Variants in DNM3 observed in about 807,000 individuals in gnomAD.
DNM3 encodes the protein dynamin 3, also known as dynamin-3.
In DNM3, 47 loss-of-function variants were observed where a neutral mutation model predicts 101.6. That is an observed-to-expected ratio of 0.46 (90% CI 0.37 to 0.59). The LOEUF is 0.59. Ranked by LOEUF, DNM3 falls within the 20% of genes least tolerant of loss-of-function variation. DNM3 has a pLI of 0.00. For missense variants in DNM3, 849 were observed against 1,085.7 expected, an observed-to-expected ratio of 0.78 and a Z score of 3.06; for synonymous variants, 385 against 387.9, an observed-to-expected ratio of 0.99 and a Z score of 0.09.
At chr1:172,223,765 T>C (rs2061000257) in intron 14 of DNM3, among the ~76,000 whole-genome samples, 1 of 152,222 alleles carries the variant, frequency 6.6e-6, no homozygotes, top group African/African-American at 2.4e-5. Flanking sequence ...GTCTTCTTCC[T>C]TGATTATTGT....
chr1:172,321,865 C>T (rs894697653), intron 16 of DNM3, among the ~76,000 whole-genome samples: 30 of 152,094 alleles, frequency 2.0e-4, no homozygotes, highest in South Asian at 2.1e-4. Flanking sequence ...CTTTTATTCC[C>T]GGTAAAATTC....
chr1:172,224,405 A>C lies in DNM3; in HGVS notation c.1660-29168A>C, dbSNP rs140304211. Among the ~76,000 whole-genome samples, 154 of 152,302 alleles carry C rather than the reference A, an allele frequency of 1.0e-3. 1 individual carries two copies. The highest frequency in any genetic ancestry group is 6.8e-3 in the Middle Eastern group (2 of 294). On this transcript the variant is annotated intron_variant, in intron 14 of 20. Coordinates refer to ENST00000627582, the MANE Select transcript of DNM3 (RefSeq NM_015569.5). The stretch of plus-strand genomic sequence containing the variant: ...TGGAAACCACCCCACATATGAAAAC[A>C]TAGCTGTACTCTATTTGTTTTATTT...
intron 13 of DNM3, among the ~76,000 whole-genome samples, chr1:172,127,309 C>G (rs1158838208): frequency 6.6e-6 from 1 of 151,972 alleles, no homozygotes; most frequent in African/African-American, 2.4e-5. Flanking sequence ...AGACCCTTCT[C>G]TTTGCTGTTC....
rs573672812 is a variant in DNM3, at chr1:172,103,872, A to G, written c.1545+10997A>G. On this transcript the variant is annotated intron_variant, in intron 13 of 20. Transcript: ENST00000627582. Reference sequence around the variant, plus strand: ...AAAAATTAGCTGGGCGTGGTGGTGCATGCCTGTAATTTCAGCTACTCAGGA... The same window carrying G: ...AAAAATTAGCTGGGCGTGGTGGTGCGTGCCTGTAATTTCAGCTACTCAGGA... 2.1e-3 allele frequency among the ~76,000 whole-genome samples: 315 copies of G among 152,230 alleles called. 4 individuals are homozygous for G. Among genetic ancestry groups the G allele is most frequent in the African/African-American group, 7.2e-3 (299 of 41,554 alleles).
intron 15 of DNM3, among the ~76,000 whole-genome samples, chr1:172,296,613 T>G (rs947821231): frequency 6.6e-6 from 1 of 152,184 alleles, no homozygotes. Context: ...GCAGGTGACC[T>G]TCTTTTCCAC....
chr1:172,080,448 C>T (rs1484697900), intron 11 of DNM3, among the ~76,000 whole-genome samples: 1 of 152,114 alleles, frequency 6.6e-6, no homozygotes, highest in African/African-American at 2.4e-5. Context: ...CCTACTAAAG[C>T]CTCAGTAATG....
intron 17 of DNM3, among the ~76,000 whole-genome samples, chr1:172,333,650 A>T (rs1016135400): frequency 6.6e-6 from 1 of 152,170 alleles, no homozygotes; most frequent in South Asian, 2.1e-4. Flanking sequence ...GGAATTTTTT[A>T]AATTATTGGA....
chr1:172,027,681 G>A (rs549492287), intron 4 of DNM3, among the ~76,000 whole-genome samples: 4 of 151,966 alleles, frequency 2.6e-5, no homozygotes, highest in East Asian at 3.9e-4. Context: ...GAGATCCATC[G>A]TATGTGCAAA....
At chr1:172,022,979 C>G (rs1328484141) in intron 4 of DNM3, among the ~76,000 whole-genome samples, 1 of 151,994 alleles carries the variant, frequency 6.6e-6, no homozygotes, top group Non-Finnish European at 1.5e-5. Flanking sequence ...TTCTTTCTTC[C>G]ATGATATTGT....
At chr1:172,213,729 G>C (rs2060594464) in intron 14 of DNM3, among the ~76,000 whole-genome samples, 1 of 151,688 alleles carries the variant, frequency 6.6e-6, no homozygotes, top group Non-Finnish European at 1.5e-5. Flanking sequence ...TCGGGAGGCT[G>C]AGGCAGGAGC....
chr1:172,074,722 G>GA (rs1251580890), intron 11 of DNM3, among the ~76,000 whole-genome samples: 5 of 152,086 alleles, frequency 3.3e-5, no homozygotes, highest in Non-Finnish European at 7.4e-5. Context: ...ATCATTGATG[G>GA]CATTTTGGTT....
intron 2 of DNM3, among the ~76,000 whole-genome samples, chr1:171,981,593 TA>T (rs1195223157): frequency 6.6e-6 from 1 of 152,164 alleles, no homozygotes; most frequent in African/African-American, 2.4e-5. Flanking sequence ...TCATGACCAG[TA>T]AAAATGACAG....
intron 1 of DNM3, among the ~76,000 whole-genome samples, chr1:171,844,066 AG>A (rs202234542): frequency 0.012 from 1,753 of 152,292 alleles, 15 homozygotes; most frequent in South Asian, 0.021. Flanking sequence ...TTAATTAGGA[AG>A]GTCATTTGAC....
chr1:171,870,493 C>A (rs550362791), intron 1 of DNM3, among the ~76,000 whole-genome samples: 77 of 150,602 alleles, frequency 5.1e-4, no homozygotes, highest in African/African-American at 1.3e-3. Flanking sequence ...AACAAACAAA[C>A]AAAAAAAAAC....
At chr1:172,351,298 G>A in intron 17 of DNM3, among the ~76,000 whole-genome samples, 1 of 152,110 alleles carries the variant, frequency 6.6e-6, no homozygotes, top group Non-Finnish European at 1.5e-5. Context: ...TCCAGAGAAT[G>A]AATACACAAA....
intron 1 of DNM3, among the ~76,000 whole-genome samples, chr1:171,908,281 A>G (rs969129774): frequency 6.6e-6 from 1 of 151,888 alleles, no homozygotes; most frequent in African/African-American, 2.4e-5. Context: ...TACACTGCAG[A>G]GGGTGATGAT....
chr1:172,007,009 T>C (rs2046739743), intron 4 of DNM3, among the ~76,000 whole-genome samples: 1 of 152,126 alleles, frequency 6.6e-6, no homozygotes, highest in African/African-American at 2.4e-5. Context: ...TTTAAATAGG[T>C]GAATTGTAAC....
chr1:171,993,318 T>C (rs1033132990), intron 4 of DNM3, among the ~76,000 whole-genome samples: 7 of 152,170 alleles, frequency 4.6e-5, no homozygotes, highest in Admixed American at 6.5e-5. Flanking sequence ...TTGTTTATCT[T>C]GGAATGTCTT....
intron 2 of DNM3, among the ~76,000 whole-genome samples, chr1:171,980,641 A>G (rs12137105): frequency 0.26 from 39,947 of 152,054 alleles, 6,288 homozygotes; most frequent in African/African-American, 0.43. Context: ...AGTAACCACT[A>G]TTCTACTCTC....
Sources: allele counts gnomAD v4.1 joint callset (sites outside exome capture counted in the v4.1 genomes callset), GRCh38; gene constraint gnomAD v4.1.1; transcripts MANE v1.5; gene names NCBI Gene and HGNC (gene_info 2026-07-23, HGNC 2026-07-21).